Variants in CRMP1 observed in about 807,000 individuals in gnomAD.
CRMP1 encodes dihydropyrimidinase-related protein 1.
In CRMP1, 19 loss-of-function variants were observed where a neutral mutation model predicts 68.3. That is an observed-to-expected ratio of 0.28 (90% CI 0.19 to 0.41). CRMP1 has a LOEUF of 0.41. Ranked by LOEUF, CRMP1 falls within the 10% of genes least tolerant of loss-of-function variation. The probability of loss-of-function intolerance (pLI) is 1.00; values close to 1 mark genes in which losing one functional copy is unlikely to be tolerated. For missense variants in CRMP1, 791 were observed against 967.4 expected (o/e 0.82, Z 2.42); for synonymous variants, 439 against 399.6 (o/e 1.10, Z -1.18).
chr4:5,871,763 T>C (rs2152471457), intron 1 of CRMP1, among the ~76,000 whole-genome samples: 1 of 152,342 alleles, frequency 6.6e-6, no homozygotes, highest in South Asian at 2.1e-4. Context: ...TGCTGATATT[T>C]GATACGAATA....
intron 11 of CRMP1, among the ~76,000 whole-genome samples, chr4:5,835,079 C>CCAGTATGTGAGCCCATACTCCTTCTG (rs1461016742): frequency 4.4e-4 from 64 of 145,276 alleles, no homozygotes; most frequent in African/African-American, 1.7e-3. Flanking sequence ...TACTCCTTCT[C>CCAGTATGTGAGCCCATACTCCTTCTG]CAGTATGTGA....
intron 1 of CRMP1, among the ~76,000 whole-genome samples, chr4:5,868,537 A>G (rs1714210976): frequency 6.6e-6 from 1 of 151,920 alleles, no homozygotes; most frequent in South Asian, 2.1e-4. Flanking sequence ...TCCCGACCTC[A>G]TGATCTGCCT....
intron 12 of CRMP1, among the ~76,000 whole-genome samples, chr4:5,827,299 T>C (rs948005527): frequency 2.6e-5 from 4 of 152,178 alleles, no homozygotes; most frequent in Non-Finnish European, 4.4e-5. Flanking sequence ...TGAGTCCCCT[T>C]GTCCTCATAT....
At position 5,842,612 on chromosome 4, in the gene CRMP1, ACACACT is replaced by A. The variant is rs763633363; in HGVS notation, c.1032+475_1032+480del. Among the ~76,000 whole-genome samples the A allele has an allele frequency of 8.0e-3, 1,200 of 149,892 alleles. 13 individuals are homozygous for A. Among genetic ancestry groups the A allele is most frequent in the South Asian group, 0.036 (171 of 4,744 alleles). ...CACACACTCTCTCACACACACACAC[ACACACT>A]CACTCACACACACACACACGCACTG... On this transcript the variant is annotated intron_variant, in intron 7 of 13. Transcript: ENST00000324989. This position sits in a 1 kb window ranked among gnomAD's most constrained non-coding sequence, Gnocchi z 4.5.
In CRMP1 at chr4:5,841,857, C is replaced by T. The variant is rs932230799; in HGVS notation, c.1033-429G>A. Among the ~76,000 whole-genome samples the T allele has an allele frequency of 3.9e-5, 6 of 152,196 alleles. No homozygotes were observed. The highest frequency in any genetic ancestry group is 1.3e-4 in the Admixed American group (2 of 15,284). On this transcript the variant is annotated intron_variant, in intron 7 of 13. Transcript: ENST00000324989. The surrounding 1 kb of genome is among the most constrained non-coding windows in gnomAD (Gnocchi z 6.9). ...GCCCAGGGCATGGGCCCAGAAGACT[C>T]GGTAATGACCTGATGAGGACATCAG...
chr4:5,874,330 A>T (rs1335581787), intron 1 of CRMP1, among the ~76,000 whole-genome samples: 2 of 152,216 alleles, frequency 1.3e-5, no homozygotes, highest in East Asian at 3.8e-4. Flanking sequence ...GAAAAAGCAA[A>T]CTACAAAATT....
Position 5,842,798 on chromosome 4 carries a change from T to C in CRMP1, c.1032+295A>G, listed in dbSNP as rs1290156562. 1.3e-5 allele frequency among the ~76,000 whole-genome samples: 2 copies of C among 152,152 alleles called. No homozygotes were observed. Among genetic ancestry groups the C allele is most frequent in the African/African-American group, 4.8e-5 (2 of 41,438 alleles). Reference sequence around the variant, plus strand: ...CTGGGCTTGGGCATGCGGCTCCACTTTCCTATTATCCACTATGCCATGTCC... The same window carrying C: ...CTGGGCTTGGGCATGCGGCTCCACTCTCCTATTATCCACTATGCCATGTCC... On this transcript the variant is annotated intron_variant, in intron 7 of 13. Transcript: ENST00000324989. The surrounding 1 kb of genome is among the most constrained non-coding windows in gnomAD (Gnocchi z 4.5).
rs1490054464 is a variant in CRMP1 at position 5,828,643 on chromosome 4, C to T, written c.1649G>A (p.Gly550Asp). 6.2e-7 allele frequency: 1 copy of T among 1,614,094 alleles called. No individual in the cohort carries two copies. The highest frequency in any genetic ancestry group is 2.2e-5 in the East Asian group (1 of 44,896). Residue 550 changes from glycine to aspartate, a missense_variant, in exon 12 of 14, where the codon GGT becomes GAT. Coordinates refer to ENST00000324989, the MANE Select transcript of CRMP1 (RefSeq NM_001014809.3). ...TAGTGGGGAGCCGTGGCACTCCATACCCTCGAAGATGTTGTACTCCACCGC... is the reference window on the plus strand; with the variant it reads ...TAGTGGGGAGCCGTGGCACTCCATATCCTCGAAGATGTTGTACTCCACCGC... ...KSAVEYNIFE[G>D]MECHGSPLVV...
intron 13 of CRMP1, among the ~76,000 whole-genome samples, chr4:5,822,486 G>C (rs1233299681): frequency 7.5e-6 from 1 of 132,584 alleles, no homozygotes; most frequent in Non-Finnish European, 1.5e-5. Context: ...GCGATAGGTG[G>C]ATCTGAAGGG....
intron 9 of CRMP1, among the ~76,000 whole-genome samples, chr4:5,837,642 A>AAGTAAAAT (rs1720806705): frequency 7.6e-6 from 1 of 130,812 alleles, no homozygotes; most frequent in African/African-American, 3.5e-5. Flanking sequence ...AAATAAAATA[A>AAGTAAAAT]AATAAAATAA....
intron 1 of CRMP1, among the ~76,000 whole-genome samples, chr4:5,884,477 T>C (rs1577849370): frequency 1.2e-5 from 1 of 84,702 alleles, no homozygotes; most frequent in Non-Finnish European, 2.7e-5. Flanking sequence ...CACACAACTA[T>C]GCATGCACAC....
At position 5,888,931 on chromosome 4, in the gene CRMP1, C is replaced by T. The variant is rs560650196; in HGVS notation, c.381+3658G>A. Among the ~76,000 whole-genome samples the T allele has an allele frequency of 3.9e-4, 59 of 152,062 alleles. No individual in the cohort carries two copies. The highest frequency in any genetic ancestry group is 1.4e-3 in the African/African-American group (56 of 41,472). On this transcript the variant is annotated intron_variant, in intron 1 of 13. Coordinates refer to ENST00000324989, the MANE Select transcript of CRMP1 (RefSeq NM_001014809.3). The surrounding 1 kb of genome is among the most constrained non-coding windows in gnomAD (Gnocchi z 6.4). ...CGCCCAAGGACCGCTCCCCTCTTGC[C>T]TCTCCTTCCATAGCCTCCGTTTATC...
At position 5,889,833 on chromosome 4, in the gene CRMP1, G is replaced by C; in HGVS notation, c.381+2756C>G. On this transcript the variant is annotated intron_variant, in intron 1 of 13. Transcript: ENST00000324989. This position sits in a 1 kb window ranked among gnomAD's most constrained non-coding sequence, Gnocchi z 4.5. ...TCCCCTAATCCAGGGCAGGAGGCCA[G>C]AGACACCTGGGCCTTAAAATAGAGG... 6.8e-7 allele frequency: 1 copy of C among 1,480,840 alleles called. No individual in the cohort carries two copies. 91.7% of individuals were successfully genotyped at this position (1,480,840 alleles called of 1,614,324 possible). A position where few individuals can be genotyped will look rare whatever the true frequency, so the allele number is the denominator to read the frequency against.
rs1720889062 is a variant in CRMP1 at position 5,838,704 on chromosome 4, G to A, written c.1310+818C>T. 6.6e-6 allele frequency among the ~76,000 whole-genome samples: 1 copy of A among 152,198 alleles called. No individual in the cohort carries two copies. The highest frequency in any genetic ancestry group is 6.5e-5 in the Admixed American group (1 of 15,282). On this transcript the variant is annotated intron_variant, in intron 9 of 13. Coordinates refer to ENST00000324989, the MANE Select transcript of CRMP1 (RefSeq NM_001014809.3). This position sits in a 1 kb window ranked among gnomAD's most constrained non-coding sequence, Gnocchi z 4.9. The stretch of plus-strand genomic sequence containing the variant: ...GTTGAGTAAGCCCTTGGCTACGCTA[G>A]TCAAAGGTTTCTGTATCATCAGGGG...
intron 13 of CRMP1, among the ~76,000 whole-genome samples, chr4:5,822,614 G>T (rs375523212): frequency 6.6e-6 from 1 of 152,076 alleles, no homozygotes; most frequent in African/African-American, 2.4e-5. Context: ...CCAGTGCCTG[G>T]AGCTCAACAA....
chr4:5,871,136 GC>G (rs1714407953), intron 1 of CRMP1, among the ~76,000 whole-genome samples: 1 of 152,158 alleles, frequency 6.6e-6, no homozygotes, highest in African/African-American at 2.4e-5. Flanking sequence ...AAGCAGGGGC[GC>G]CCAGGCTCCA....
rs745855014 is a variant in CRMP1 at position 5,839,603 on chromosome 4, G to C, written c.1229C>G (p.Ala410Gly). ...DGTHYWSKNW[A>G]KAAAFVTSPP... ...GGAAGTCACGAACGCCGCAGCCTTG[G>C]CCCAGTTCTTGCTCCAGTAATGGGT... The change falls in exon 9 of 14, where the codon GCC (alanine) becomes GGC (glycine). Residue 410 changes from alanine (A) to glycine (G), a missense_variant. Transcript: ENST00000324989. 1.9e-6 allele frequency: 3 copies of C among 1,612,942 alleles called. No homozygotes were observed. In the South Asian group the frequency reaches 3.3e-5, roughly 18 times the overall value.
Position 5,891,270 on chromosome 4 carries a change from T to A in CRMP1, c.381+1319A>T, listed in dbSNP as rs564116651. Among the ~76,000 whole-genome samples the A allele has an allele frequency of 8.3e-6, 1 of 120,154 alleles. No individual in the cohort carries two copies. Among genetic ancestry groups the A allele is most frequent in the Middle Eastern group, 4.0e-3 (1 of 252 alleles). 78.8% of individuals were successfully genotyped at this position (120,154 alleles called of 152,430 possible). ...CCGGCTTCAGGACCACGGAGAGCTC[T>A]GGAGCAACAGCCCGCCCGCGAAGGG... On this transcript the variant is annotated intron_variant, in intron 1 of 13. Transcript: ENST00000324989. The surrounding 1 kb of genome is among the most constrained non-coding windows in gnomAD (Gnocchi z 5.2).
intron 1 of CRMP1, among the ~76,000 whole-genome samples, chr4:5,873,824 A>G (rs1315960225): frequency 6.6e-6 from 1 of 152,128 alleles, no homozygotes; most frequent in African/African-American, 2.4e-5. Flanking sequence ...GGTGACCTCA[A>G]AGTGGGGAAT....
Sources: allele counts gnomAD v4.1 joint callset (sites outside exome capture counted in the v4.1 genomes callset), GRCh38; gene constraint gnomAD v4.1.1; non-coding constraint Gnocchi (gnomAD v3.1); transcripts MANE v1.5; gene names NCBI Gene and HGNC (gene_info 2026-07-23, HGNC 2026-07-21).